SENP1: variants seen among roughly 807,000 people sequenced by gnomAD.
SENP1 encodes sentrin-specific protease 1.
SENP1 carries 21 observed loss-of-function variants against 93.0 expected under a neutral mutation model. That is an observed-to-expected ratio of 0.23 (90% confidence interval 0.16 to 0.33). The LOEUF is 0.33. SENP1 is among the 10% of genes least tolerant of loss of function. The pLI is 1.00. For synonymous variants in SENP1, 256 were observed against 259.6 expected (o/e 0.99, Z 0.13); for missense variants, 591 against 758.7 (o/e 0.78, Z 2.60).
At chr12:48,057,941 C>CTTT (rs370210767) in intron 13 of SENP1, among the ~76,000 whole-genome samples, 12,136 of 85,288 alleles carry the variant, frequency 0.14, 1,159 homozygotes, top group East Asian at 0.3. Flanking sequence ...TTTATTTCCT[C>CTTT]TTTTTTTTTT....
chr12:48,055,906 T>C (rs1245085841), intron 13 of SENP1, among the ~76,000 whole-genome samples: 2 of 139,548 alleles, frequency 1.4e-5, no homozygotes, highest in African/African-American at 2.6e-5. Flanking sequence ...AAAATATTAA[T>C]ATATTTATAT....
At chr12:48,058,966 C>A (rs879934508) in intron 13 of SENP1, among the ~76,000 whole-genome samples, 2 of 152,176 alleles carry the variant, frequency 1.3e-5, no homozygotes, top group Non-Finnish European at 2.9e-5. Context: ...GTCTTCTGGC[C>A]TGCATCGTTT....
chr12:48,071,723 T>A lies in SENP1; in HGVS notation c.941-2A>T. On this transcript the variant is annotated splice_acceptor_variant, in intron 8 of 17. Coordinates refer to ENST00000549518, the MANE Select transcript of SENP1 (RefSeq NM_001267594.2). LOFTEE classifies it high-confidence loss of function. Reference sequence around the variant, plus strand: ...TCAGTAAAATCACAGAGTCTGATCCTAAAGAAACACAAGAGCATTTCATTA... The same window carrying A: ...TCAGTAAAATCACAGAGTCTGATCCAAAAGAAACACAAGAGCATTTCATTA... 1 of 1,597,898 alleles carries A rather than the reference T, an allele frequency of 6.3e-7. No individual in the cohort carries two copies. Among genetic ancestry groups the A allele is most frequent in the South Asian group, 1.1e-5 (1 of 89,812 alleles).
At chr12:48,078,264 C>G (rs1944236611) in intron 6 of SENP1, among the ~76,000 whole-genome samples, 1 of 139,010 alleles carries the variant, frequency 7.2e-6, no homozygotes, top group Non-Finnish European at 1.5e-5. Flanking sequence ...GATTTTGTAT[C>G]CTACAACTAT....
intron 5 of SENP1, among the ~76,000 whole-genome samples, chr12:48,087,145 T>G (rs2137179976): frequency 6.6e-6 from 1 of 152,266 alleles, no homozygotes; most frequent in African/African-American, 2.4e-5. Flanking sequence ...CTAAACTAAC[T>G]ATAAAAGATA....
In SENP1 at chr12:48,074,418, T is replaced by A. The variant is rs1244861634; in HGVS notation, c.846A>T (p.Gly282=). 6.2e-7 allele frequency: 1 copy of A among 1,613,722 alleles called. No individual in the cohort carries two copies. Among genetic ancestry groups the A allele is most frequent in the Non-Finnish European group, 8.5e-7 (1 of 1,179,726 alleles). Reference sequence around the variant, plus strand: ...GATGAAGAGTACCAGAATCTTTGGATCCAAATGCAACATCTGGGGTATAAG... The same window carrying A: ...GATGAAGAGTACCAGAATCTTTGGAACCAAATGCAACATCTGGGGTATAAG... The part of the protein sequence containing the change: ...LSSYTPDVAF[G]SKDSGTLHHP... The change falls in exon 8 of 18, where the codon GGA becomes GGT. Residue 282 remains glycine, a synonymous_variant. Transcript: ENST00000549518.
chr12:48,099,327 CAG>C (rs1945768680), intron 2 of SENP1, among the ~76,000 whole-genome samples: 1 of 151,996 alleles, frequency 6.6e-6, no homozygotes, highest in African/African-American at 2.4e-5. Flanking sequence ...GACCCTGTCT[CAG>C]AAAACAACAA....
intron 13 of SENP1, among the ~76,000 whole-genome samples, chr12:48,051,776 T>C (rs76488383): frequency 2.5e-4 from 38 of 152,344 alleles, no homozygotes; most frequent in African/African-American, 3.8e-4. Flanking sequence ...CGACGCCAAG[T>C]TGGCAACAGC....
In SENP1 at chr12:48,075,583, A is replaced by G. The variant is rs569880572; in HGVS notation, c.553-790T>C. ...TCCAGAGACAATATTCATCTCCAACATGTATTTATTTTTCCTGTAAGACCC... is the reference window on the plus strand; with the variant it reads ...TCCAGAGACAATATTCATCTCCAACGTGTATTTATTTTTCCTGTAAGACCC... On this transcript the variant is annotated intron_variant, in intron 6 of 17. Coordinates refer to ENST00000549518, the MANE Select transcript of SENP1 (RefSeq NM_001267594.2). Among the ~76,000 whole-genome samples, 7 of 152,318 alleles carry G rather than the reference A, an allele frequency of 4.6e-5. No homozygotes were observed. In the South Asian group the frequency reaches 1.2e-3, roughly 27 times the overall value.
At chr12:48,090,667 G>A (rs1460048307) in intron 4 of SENP1, among the ~76,000 whole-genome samples, 5 of 152,152 alleles carry the variant, frequency 3.3e-5, no homozygotes, top group Non-Finnish European at 5.9e-5. Context: ...CACAATGATA[G>A]CTCACTGCAG....
At chr12:48,105,854 G>A (rs1946516053) in intron 1 of SENP1, 174 bp downstream of exon 1, 3 of 602,934 alleles carry the variant, frequency 5.0e-6, no homozygotes, top group Middle Eastern at 4.4e-4. Flanking sequence ...CCACCGGACA[G>A]CAGGGGGGAG....
At chr12:48,068,595 A>C (rs954923010) in intron 9 of SENP1, among the ~76,000 whole-genome samples, 10 of 152,218 alleles carry the variant, frequency 6.6e-5, no homozygotes, top group Admixed American at 1.3e-4. Flanking sequence ...AATAGATGAA[A>C]GCATTAAAAA....
At chr12:48,068,522 G>C (rs1025011207) in intron 9 of SENP1, among the ~76,000 whole-genome samples, 39 of 152,090 alleles carry the variant, frequency 2.6e-4, no homozygotes, top group African/African-American at 9.2e-4. Flanking sequence ...TCTCTTGAAA[G>C]GCTAGGATTA....
intron 1 of SENP1, among the ~76,000 whole-genome samples, chr12:48,101,944 ACTTTT>A (rs1486685439): frequency 1.3e-5 from 2 of 152,212 alleles, no homozygotes; most frequent in African/African-American, 4.8e-5. Flanking sequence ...TCCTATTAAG[ACTTTT>A]CTTCCATGTC....
At position 48,077,834 on chromosome 12, in the gene SENP1, T is replaced by C. The variant is rs939675564; in HGVS notation, c.553-3041A>G. 5.9e-5 allele frequency among the ~76,000 whole-genome samples: 9 copies of C among 152,268 alleles called. No individual in the cohort carries two copies. In the South Asian group the frequency reaches 1.2e-3, roughly 21 times the overall value. ...CAATACCATGCTGTTTTAATTACTA[T>C]AGCTTGGTAGTATAGTTTGAAATAA... On this transcript the variant is annotated intron_variant, in intron 6 of 17. Transcript: ENST00000549518.
Position 48,065,086 on chromosome 12 carries a change from A to G in SENP1, c.1254T>C (p.Asp418=). ...TTACCTCTGTAATTTCAGGAAATTC[A>G]TCTTCACTATCAGTTAATTTATGAC... The part of the protein sequence containing the change: ...KKGHKLTDSE[D]EFPEITEEME... Residue 418 remains aspartate, a synonymous_variant, in exon 12 of 18, where the codon GAT becomes GAC. Coordinates refer to ENST00000549518, the MANE Select transcript of SENP1 (RefSeq NM_001267594.2). 1 of 1,601,024 alleles carries G rather than the reference A, an allele frequency of 6.2e-7. No individual in the cohort carries two copies. Among genetic ancestry groups the G allele is most frequent in the Non-Finnish European group, 8.6e-7 (1 of 1,168,358 alleles).
intron 13 of SENP1, among the ~76,000 whole-genome samples, chr12:48,055,970 T>C (rs1052883735): frequency 1.2e-4 from 16 of 134,306 alleles, no homozygotes; most frequent in African/African-American, 4.5e-4. Context: ...TATATCAATA[T>C]ATAATTTAAT....
In SENP1 at chr12:48,096,281, C is replaced by T. The variant is rs189710973; in HGVS notation, c.220+62G>A. The T allele has an allele frequency of 1.6e-5, 14 of 877,948 alleles. No individual in the cohort carries two copies. In the Admixed American group the frequency reaches 1.8e-4, roughly 11 times the overall value. 54.4% of individuals were successfully genotyped at this position (877,948 alleles called of 1,614,324 possible). On this transcript the variant is annotated intron_variant, in intron 4 of 17. Transcript: ENST00000549518. The stretch of plus-strand genomic sequence containing the variant: ...TACTTTTGGAGATGATAAACATAAA[C>T]GATATGCTATCAAGAAATCCAAAAG...
chr12:48,078,332 T>TATATATATATATATATATATAC (rs1454107759), intron 6 of SENP1, among the ~76,000 whole-genome samples: 4 of 83,862 alleles, frequency 4.8e-5, no homozygotes, highest in Admixed American at 1.6e-4. Flanking sequence ...TATATATATA[T>TATATATATATATATATATATAC]ATACACACAC....
Sources: allele counts gnomAD v4.1 joint callset (sites outside exome capture counted in the v4.1 genomes callset), GRCh38; gene constraint gnomAD v4.1.1; transcripts MANE v1.5; gene names NCBI Gene and HGNC (gene_info 2026-07-23, HGNC 2026-07-21).